DAB1: variants seen among roughly 807,000 people sequenced by gnomAD.
The protein encoded by DAB1 is disabled homolog 1.
A neutral mutation model predicts 64.6 loss-of-function variants in DAB1; 15 were observed. The observed-to-expected ratio is 0.23, with a 90% CI of 0.16 to 0.36. The LOEUF (loss-of-function observed/expected upper bound fraction) is 0.36, where lower values mean the gene tolerates loss of function less well. DAB1 is among the 10% of genes least tolerant of loss of function. DAB1 has a pLI of 1.00. For synonymous variants in DAB1, 235 were observed against 251.9 expected, an observed-to-expected ratio of 0.93 and a Z score of 0.64; for missense variants, 596 against 706.7, an observed-to-expected ratio of 0.84 and a Z score of 1.78.
Position 57,804,638 on chromosome 1 carries a change from A to G in DAB1, n.551+79361T>C, listed in dbSNP as rs563810065. ...ATTATAACTATATTAACAATTCAGC[A>G]GGTTTTGGTGCATAGGTTAGAAATG... On this transcript the variant is annotated intron_variant and non_coding_transcript_variant, in intron 6 of 20. Coordinates refer to the DAB1 transcript ENST00000485760. 2.6e-5 allele frequency among the ~76,000 whole-genome samples: 4 copies of G among 152,308 alleles called. No homozygotes were observed. In the South Asian group the frequency reaches 8.3e-4, roughly 32 times the overall value.
chr1:57,234,533 T>G (rs533428203), intron 2 of DAB1, among the ~76,000 whole-genome samples: 2 of 152,330 alleles, frequency 1.3e-5, no homozygotes, highest in South Asian at 4.1e-4. Flanking sequence ...CTGCTATTAT[T>G]AATAACTAAT....
chr1:57,458,206 G>T (rs1479719753), intron 7 of DAB1, among the ~76,000 whole-genome samples: 1 of 151,940 alleles, frequency 6.6e-6, no homozygotes, highest in Admixed American at 6.6e-5. Context: ...TCCTCAATGT[G>T]TCATGAACAT....
intron 6 of DAB1, among the ~76,000 whole-genome samples, chr1:57,713,292 G>A (rs962523993): frequency 2.0e-5 from 3 of 152,106 alleles, no homozygotes; most frequent in Admixed American, 2.0e-4. Flanking sequence ...GGAGTGGTAG[G>A]GAGAAAAAAG....
chr1:58,479,166 T>C lies in DAB1; in HGVS notation n.257+26894A>G, dbSNP rs145833036. Among the ~76,000 whole-genome samples, 581 of 152,344 alleles carry C rather than the reference T, an allele frequency of 3.8e-3. 2 individuals are homozygous for C. The highest frequency in any genetic ancestry group is 0.014 in the African/African-American group (563 of 41,588). ...AATGGAAGAAAAAGTAGGCCGTTGCTACATTATTTTCCTAGGAAATCTGCA... is the reference window on the plus strand; with the variant it reads ...AATGGAAGAAAAAGTAGGCCGTTGCCACATTATTTTCCTAGGAAATCTGCA... On this transcript the variant is annotated intron_variant and non_coding_transcript_variant, in intron 3 of 20. Transcript: ENST00000485760.
chr1:58,470,168 AAT>A (rs1197284081), intron 3 of DAB1, among the ~76,000 whole-genome samples: 2 of 147,164 alleles, frequency 1.4e-5, no homozygotes, highest in Admixed American at 6.8e-5. Context: ...TTTTATTTTT[AAT>A]TTTATTTATT....
chr1:57,048,493 A>T (rs955661209), intron 9 of DAB1, among the ~76,000 whole-genome samples: 4 of 152,182 alleles, frequency 2.6e-5, no homozygotes, highest in Non-Finnish European at 5.9e-5. Flanking sequence ...TCTGTTCATG[A>T]ATTACAGAAT....
At chr1:58,489,260 C>T (rs146135980) in intron 3 of DAB1, among the ~76,000 whole-genome samples, 19 of 152,266 alleles carry the variant, frequency 1.2e-4, no homozygotes, top group African/African-American at 2.9e-4. Flanking sequence ...TGCAATTTTC[C>T]GACGGTCTTA....
chr1:58,048,543 C>T, intron 5 of DAB1: 1 of 1,142,650 alleles, frequency 8.8e-7, no homozygotes, highest in East Asian at 2.3e-5. Flanking sequence ...CCATAACCAC[C>T]ATAATTGCCA....
intron 2 of DAB1, among the ~76,000 whole-genome samples, chr1:57,270,941 G>A (rs1670947477): frequency 6.6e-6 from 1 of 152,184 alleles, no homozygotes; most frequent in Admixed American, 6.5e-5. Flanking sequence ...GGACTGGGGT[G>A]GGTGAGGGAG....
chr1:58,215,277 T>C (rs1217953260), intron 4 of DAB1, among the ~76,000 whole-genome samples: 1 of 152,136 alleles, frequency 6.6e-6, no homozygotes, highest in Non-Finnish European at 1.5e-5. Flanking sequence ...CTTGCAAGGC[T>C]AGCTCCTTCT....
In DAB1 at chr1:57,593,595, A is replaced by G. The variant is rs567401099; in HGVS notation, n.625+55997T>C. Reference sequence around the variant, plus strand: ...AATAGTATACTTTACATATATGCAGACAATAGTATGTCAATTATTCTTCAA... The same window carrying G: ...AATAGTATACTTTACATATATGCAGGCAATAGTATGTCAATTATTCTTCAA... On this transcript the variant is annotated intron_variant and non_coding_transcript_variant, in intron 7 of 20. Transcript: ENST00000485760. 2.6e-5 allele frequency among the ~76,000 whole-genome samples: 4 copies of G among 152,370 alleles called. No homozygotes were observed. In the East Asian group the frequency reaches 7.7e-4, roughly 29 times the overall value.
At chr1:57,200,601 C>G (rs1191680490) in intron 2 of DAB1, among the ~76,000 whole-genome samples, 2 of 151,900 alleles carry the variant, frequency 1.3e-5, no homozygotes, top group African/African-American at 4.8e-5. Flanking sequence ...GTGGTGAGGT[C>G]TAAATGAGTT....
chr1:57,843,244 G>T (rs1458391919), intron 1 of DAB1, among the ~76,000 whole-genome samples: 2 of 152,144 alleles, frequency 1.3e-5, no homozygotes, highest in Non-Finnish European at 1.5e-5. Context: ...AGAATAAAAG[G>T]TTTTTTCTTT....
At chr1:57,542,683 T>C (rs926966356) in intron 7 of DAB1, among the ~76,000 whole-genome samples, 1 of 152,024 alleles carries the variant, frequency 6.6e-6, no homozygotes, top group Non-Finnish European at 1.5e-5. Context: ...GCTCAGTTTT[T>C]CATTCTGAAC....
chr1:57,028,689 G>A, intron 9 of DAB1, among the ~76,000 whole-genome samples: 1 of 152,180 alleles, frequency 6.6e-6, no homozygotes, highest in East Asian at 1.9e-4. Context: ...GTTGGGAACT[G>A]GAGCAAAGAT....
At chr1:58,412,545 G>T (rs78377116) in intron 3 of DAB1, among the ~76,000 whole-genome samples, 2,056 of 152,250 alleles carry the variant, frequency 0.014, 18 homozygotes, top group Middle Eastern at 0.024. Flanking sequence ...GTTTTTAATC[G>T]TGGACACTCA....
intron 3 of DAB1, among the ~76,000 whole-genome samples, chr1:58,484,450 G>A (rs950146466): frequency 6.6e-6 from 1 of 152,176 alleles, no homozygotes; most frequent in Non-Finnish European, 1.5e-5. Flanking sequence ...AGTAATACAG[G>A]CATACTTGAG....
At chr1:58,257,267 C>T (rs1038139257) in intron 4 of DAB1, among the ~76,000 whole-genome samples, 3 of 152,182 alleles carry the variant, frequency 2.0e-5, no homozygotes, top group African/African-American at 7.2e-5. Flanking sequence ...GGGAGTGACG[C>T]AGTTGACAGC....
chr1:58,102,832 GACA>G (rs1174848454), intron 5 of DAB1, among the ~76,000 whole-genome samples: 2 of 152,152 alleles, frequency 1.3e-5, no homozygotes, highest in African/African-American at 4.8e-5. Context: ...AATAAAGTGG[GACA>G]ACATTATGCA....
Sources: allele counts gnomAD v4.1 joint callset (sites outside exome capture counted in the v4.1 genomes callset), GRCh38; gene constraint gnomAD v4.1.1; transcripts MANE v1.5; gene names NCBI Gene and HGNC (gene_info 2026-07-23, HGNC 2026-07-21).